The following LSAMP variants were observed in gnomAD, a reference collection of about 807,000 sequenced individuals.
LSAMP encodes limbic system-associated membrane protein.
LSAMP carries 7 observed loss-of-function variants against 38.6 expected under a neutral mutation model. The observed-to-expected ratio is 0.18, with a 90% CI of 0.10 to 0.34. The LOEUF is 0.34. Among genes scored for constraint, LSAMP ranks in the 10% least tolerant of loss-of-function variants. The pLI is 1.00. For missense variants in LSAMP, 313 were observed against 420.0 expected (o/e 0.75, Z 2.23); for synonymous variants, 154 against 166.8 (o/e 0.92, Z 0.59).
At chr3:116,219,354 A>G (rs879491898) in intron 1 of LSAMP, among the ~76,000 whole-genome samples, 2 of 152,172 alleles carry the variant, frequency 1.3e-5, no homozygotes, top group East Asian at 3.8e-4. Flanking sequence ...TTTATCTGTT[A>G]ATGGACATTT....
At chr3:115,950,826 A>G (rs1938262320) in intron 3 of LSAMP, among the ~76,000 whole-genome samples, 1 of 127,406 alleles carries the variant, frequency 7.8e-6, no homozygotes, top group Admixed American at 8.2e-5. Flanking sequence ...AAAAAAAAAA[A>G]TCTGGAAGCA....
intron 1 of LSAMP, among the ~76,000 whole-genome samples, chr3:116,122,005 T>C (rs115299572): frequency 0.021 from 3,253 of 152,142 alleles, 114 homozygotes; most frequent in African/African-American, 0.075. Context: ...GCCACCCCTG[T>C]TCTAGAGTCT....
At chr3:116,015,421 C>A (rs1940450616) in intron 3 of LSAMP, among the ~76,000 whole-genome samples, 1 of 152,104 alleles carries the variant, frequency 6.6e-6, no homozygotes, top group Non-Finnish European at 1.5e-5. Context: ...AGATCAAACA[C>A]TCCATAGAAA....
chr3:116,325,342 T>G (rs1490658949), intron 1 of LSAMP, among the ~76,000 whole-genome samples: 1 of 152,074 alleles, frequency 6.6e-6, no homozygotes, highest in African/African-American at 2.4e-5. Flanking sequence ...CGCTACCTCT[T>G]TCTTAGAGTT....
chr3:116,369,118 A>G (rs911923201), intron 1 of LSAMP, among the ~76,000 whole-genome samples: 3 of 152,148 alleles, frequency 2.0e-5, no homozygotes, highest in Non-Finnish European at 2.9e-5. Flanking sequence ...CAGCTTTTCC[A>G]TAAAGAAGAA....
At position 115,919,900 on chromosome 3, in the gene LSAMP, C is replaced by T. The variant is rs537018083; in HGVS notation, c.515-67283G>A. The stretch of plus-strand genomic sequence containing the variant: ...AGGATTACAGGCGTGAGCCACCCAC[C>T]GTGCCCAGCCCTTTGACTACTTTAG... On this transcript the variant is annotated intron_variant, in intron 3 of 6. Transcript: ENST00000490035. Among the ~76,000 whole-genome samples the T allele has an allele frequency of 3.9e-4, 59 of 152,254 alleles. No homozygotes were observed. In the South Asian group the frequency reaches 9.8e-3, roughly 25 times the overall value.
At chr3:116,334,477 A>T (rs1173152964) in intron 1 of LSAMP, among the ~76,000 whole-genome samples, 5 of 152,122 alleles carry the variant, frequency 3.3e-5, no homozygotes, top group Non-Finnish European at 7.4e-5. Context: ...ATGAACATTG[A>T]TGCAAATATC....
intron 2 of LSAMP, among the ~76,000 whole-genome samples, chr3:116,083,068 G>A (rs527536610): frequency 1.3e-5 from 2 of 152,290 alleles, no homozygotes; most frequent in African/African-American, 2.4e-5. Flanking sequence ...AAGTAAAGCT[G>A]AAGACTAGAT....
intron 1 of LSAMP, among the ~76,000 whole-genome samples, chr3:116,290,250 T>C (rs1035683310): frequency 7.2e-5 from 11 of 152,190 alleles, no homozygotes; most frequent in Non-Finnish European, 1.5e-4. Context: ...AGACACTGTA[T>C]GTGGTAGTTT....
At chr3:116,420,775 G>A (rs1559861999) in intron 1 of LSAMP, among the ~76,000 whole-genome samples, 1 of 152,072 alleles carries the variant, frequency 6.6e-6, no homozygotes, top group African/African-American at 2.4e-5. Flanking sequence ...TACTTGGGAG[G>A]CTGAGGCAAG....
intron 1 of LSAMP, among the ~76,000 whole-genome samples, chr3:116,190,924 G>C (rs1048738534): frequency 6.6e-6 from 1 of 152,154 alleles, no homozygotes; most frequent in South Asian, 2.1e-4. Context: ...TTTAAGGGTG[G>C]AACAAAATAG....
intron 3 of LSAMP, among the ~76,000 whole-genome samples, chr3:115,924,052 G>A (rs568084199): frequency 2.0e-5 from 3 of 152,034 alleles, no homozygotes; most frequent in Non-Finnish European, 4.4e-5. Flanking sequence ...AGTGAATTGT[G>A]TAGAGCAGTT....
chr3:116,221,166 AAAAAG>A (rs1292192680), intron 1 of LSAMP, among the ~76,000 whole-genome samples: 6 of 151,348 alleles, frequency 4.0e-5, no homozygotes, highest in African/African-American at 1.5e-4. Context: ...AAAAAAAAAA[AAAAAG>A]GAAAGGGGCA....
At chr3:116,118,163 C>G (rs1043700493) in intron 1 of LSAMP, among the ~76,000 whole-genome samples, 1 of 152,090 alleles carries the variant, frequency 6.6e-6, no homozygotes, top group African/African-American at 2.4e-5. Context: ...ACCTTGTTTT[C>G]CCTCTCCAGA....
chr3:116,066,234 C>A (rs1478141652), intron 2 of LSAMP, among the ~76,000 whole-genome samples: 1 of 152,172 alleles, frequency 6.6e-6, no homozygotes, highest in African/African-American at 2.4e-5. Context: ...AGGCACTAAT[C>A]CCATAAGTGA....
rs114401351 is a variant in LSAMP at position 116,080,069 on chromosome 3, T to C, written c.388+6255A>G. Among the ~76,000 whole-genome samples, 519 of 152,254 alleles carry C rather than the reference T, an allele frequency of 3.4e-3. 3 individuals are homozygous for C. Among genetic ancestry groups the C allele is most frequent in the African/African-American group, 0.012 (483 of 41,542 alleles). On this transcript the variant is annotated intron_variant, in intron 2 of 6. Transcript: ENST00000490035. ...GTGAATAGCCACATATGATATTGCG[T>C]AAATCCAAGTAAAAATAACTTGCCA...
At chr3:116,191,130 G>A (rs995422803) in intron 1 of LSAMP, among the ~76,000 whole-genome samples, 6 of 152,188 alleles carry the variant, frequency 3.9e-5, no homozygotes, top group African/African-American at 1.4e-4. Context: ...GGCTGAGGCA[G>A]GAGAATGGCC....
intron 3 of LSAMP, among the ~76,000 whole-genome samples, chr3:115,901,854 T>A (rs191870001): frequency 4.6e-4 from 70 of 152,198 alleles, no homozygotes; most frequent in Non-Finnish European, 7.8e-4. Flanking sequence ...CACATATGGG[T>A]TGTTTACAAA....
At chr3:116,016,716 TG>T (rs1940494368) in intron 3 of LSAMP, among the ~76,000 whole-genome samples, 1 of 152,200 alleles carries the variant, frequency 6.6e-6, no homozygotes, top group Non-Finnish European at 1.5e-5. Context: ...TGAGCATGGC[TG>T]GGTTGCAGTA....
Sources: gnomAD v4.1 joint callset for allele counts (sites outside exome capture counted in the v4.1 genomes callset) on GRCh38, gnomAD v4.1.1 for gene constraint, MANE v1.5 for transcripts, NCBI Gene and HGNC (gene_info 2026-07-23, HGNC 2026-07-21) for gene names.